Variants in IL1RAPL1 observed in about 807,000 individuals in gnomAD.
IL1RAPL1 encodes interleukin 1 receptor accessory protein like 1, also known as interleukin-1 receptor accessory protein-like 1.
IL1RAPL1 carries 3 observed loss-of-function variants against 48.4 expected under a neutral mutation model. The observed-to-expected ratio is 0.06, with a 90% CI of 0.03 to 0.16. The LOEUF (loss-of-function observed/expected upper bound fraction) is 0.16. Ranked by LOEUF, IL1RAPL1 falls within the 10% of genes least tolerant of loss-of-function variation. The pLI is 1.00. For synonymous variants in IL1RAPL1, 185 were observed against 187.7 expected, an observed-to-expected ratio of 0.99 and a Z score of 0.12; for missense variants, 349 against 530.6, an observed-to-expected ratio of 0.66 and a Z score of 3.36.
chrX:29,212,537 G>C (rs1010203407), intron 2 of IL1RAPL1, among the ~76,000 whole-genome samples: 1 of 111,349 alleles, frequency 9.0e-6, no homozygotes, highest in Non-Finnish European at 1.9e-5. Flanking sequence ...TCAAACTCCT[G>C]ACCTCAGGTG....
At chrX:29,186,014 G>T (rs1405113338) in intron 2 of IL1RAPL1, among the ~76,000 whole-genome samples, 2 of 111,856 alleles carry the variant, frequency 1.8e-5, no homozygotes, top group Non-Finnish European at 3.8e-5. Context: ...CCTACTATTA[G>T]TTTGAGAATT....
At chrX:29,383,026 A>T (rs1264927831) in intron 3 of IL1RAPL1, among the ~76,000 whole-genome samples, 1 of 112,132 alleles carries the variant, frequency 8.9e-6, no homozygotes, top group Non-Finnish European at 1.9e-5. Context: ...CTTGATATAA[A>T]TTTCATATTT....
intron 6 of IL1RAPL1, among the ~76,000 whole-genome samples, chrX:29,914,301 A>C (rs1932781289): frequency 8.9e-6 from 1 of 112,297 alleles, no homozygotes; most frequent in Non-Finnish European, 1.9e-5. Flanking sequence ...AGTGAATAAA[A>C]ATGAATTTCA....
intron 6 of IL1RAPL1, among the ~76,000 whole-genome samples, chrX:29,752,050 A>T (rs1027802080): frequency 1.1e-5 from 1 of 95,227 alleles, no homozygotes; most frequent in Non-Finnish European, 2.0e-5. Flanking sequence ...TATCTATTTT[A>T]TATATATATA....
At chrX:29,315,227 G>A (rs1188970557) in intron 3 of IL1RAPL1, among the ~76,000 whole-genome samples, 1 of 112,025 alleles carries the variant, frequency 8.9e-6, no homozygotes, top group Non-Finnish European at 1.9e-5. Context: ...CAGAAGATGA[G>A]TTCGGATAAC....
At chrX:29,933,417 C>CTG (rs1569206949) in intron 8 of IL1RAPL1, among the ~76,000 whole-genome samples, 1 of 111,364 alleles carries the variant, frequency 9.0e-6, no homozygotes, top group Non-Finnish European at 1.9e-5. Flanking sequence ...ACTTAATGGA[C>CTG]TGAATATTAA....
intron 2 of IL1RAPL1, among the ~76,000 whole-genome samples, chrX:28,869,982 T>A (rs1332500880): frequency 8.9e-6 from 1 of 111,887 alleles, no homozygotes; most frequent in Non-Finnish European, 1.9e-5. Context: ...ATCTGGTTTC[T>A]TCCATTTAGC....
At chrX:29,455,828 C>A (rs1011979986) in intron 5 of IL1RAPL1, among the ~76,000 whole-genome samples, 1 of 110,795 alleles carries the variant, frequency 9.0e-6, no homozygotes, top group Admixed American at 9.6e-5. Context: ...AGTTTTATTT[C>A]TCCTTTTAAT....
intron 6 of IL1RAPL1, among the ~76,000 whole-genome samples, chrX:29,797,214 C>T (rs947601692): frequency 5.3e-5 from 6 of 112,432 alleles, no homozygotes; most frequent in Non-Finnish European, 9.4e-5. Context: ...TTCCGTTGTA[C>T]TCTACTTGCC....
intron 6 of IL1RAPL1, among the ~76,000 whole-genome samples, chrX:29,847,641 A>G (rs1471493189): frequency 8.9e-6 from 1 of 111,949 alleles, no homozygotes; most frequent in Non-Finnish European, 1.9e-5. Flanking sequence ...CCTCATTTTG[A>G]ATGTGAACAG....
intron 2 of IL1RAPL1, among the ~76,000 whole-genome samples, chrX:29,020,365 T>G (rs1926336169): frequency 8.9e-6 from 1 of 112,241 alleles, no homozygotes; most frequent in Admixed American, 9.4e-5. Context: ...TTTCTATGTT[T>G]AGCTATGTTT....
chrX:29,134,326 G>C (rs1929082075), intron 2 of IL1RAPL1, among the ~76,000 whole-genome samples: 1 of 111,573 alleles, frequency 9.0e-6, no homozygotes, highest in Non-Finnish European at 1.9e-5. Context: ...AATGAATAAG[G>C]GTCCCTGTTG....
intron 2 of IL1RAPL1, among the ~76,000 whole-genome samples, chrX:28,804,774 A>C (rs925769651): frequency 1.4e-4 from 16 of 111,321 alleles, no homozygotes; most frequent in Non-Finnish European, 1.9e-5. Context: ...TCCTTTTGCC[A>C]CTTAACAGTC....
chrX:29,545,093 C>T (rs1328216269), intron 5 of IL1RAPL1, among the ~76,000 whole-genome samples: 1 of 110,136 alleles, frequency 9.1e-6, no homozygotes, highest in Non-Finnish European at 1.9e-5. Flanking sequence ...ATATTGGACT[C>T]CTAGCCTCCA....
chrX:28,952,313 T>G (rs1319844934), intron 2 of IL1RAPL1, among the ~76,000 whole-genome samples: 2 of 111,355 alleles, frequency 1.8e-5, no homozygotes, highest in Non-Finnish European at 3.8e-5. Context: ...ACCAGGTATT[T>G]GGAATAATTA....
intron 2 of IL1RAPL1, among the ~76,000 whole-genome samples, chrX:28,829,869 C>T (rs1921004882): frequency 9.0e-6 from 1 of 110,578 alleles, no homozygotes; most frequent in African/African-American, 3.3e-5. Flanking sequence ...GGAATTTTTT[C>T]AGATTTTTTT....
At chrX:29,946,676 A>C (rs760012271) in intron 9 of IL1RAPL1, among the ~76,000 whole-genome samples, 2 of 112,406 alleles carry the variant, frequency 1.8e-5, no homozygotes, top group East Asian at 5.6e-4. Context: ...GCATGTGTGC[A>C]TGCTTTTCAG....
rs142037178 is a variant in IL1RAPL1, at chrX:28,921,727, G to A, written c.82+132302G>A. ...CCAGCAGCATATTTGGATTCACACT[G>A]TGGGTTTAATTCTTTCCGTTTAATA... On this transcript the variant is annotated intron_variant, in intron 2 of 10. Transcript: ENST00000378993. Among the ~76,000 whole-genome samples the A allele has an allele frequency of 1.2e-4, 13 of 112,362 alleles. No individual in the cohort carries two copies. In the East Asian group the frequency reaches 3.4e-3, roughly 29 times the overall value.
intron 1 of IL1RAPL1, among the ~76,000 whole-genome samples, chrX:28,630,179 AC>A (rs1259635538): frequency 8.1e-5 from 9 of 111,014 alleles, no homozygotes; most frequent in South Asian, 3.8e-4. Flanking sequence ...TGATAGATCG[AC>A]TTTTTTTTTG....
Sources: gnomAD v4.1 joint callset for allele counts (sites outside exome capture counted in the v4.1 genomes callset) on GRCh38, gnomAD v4.1.1 for gene constraint, MANE v1.5 for transcripts, NCBI Gene and HGNC (gene_info 2026-07-23, HGNC 2026-07-21) for gene names.